The following SH3RF2 variants were observed in gnomAD, a reference collection of about 807,000 sequenced individuals.
SH3RF2 encodes SH3 domain containing ring finger 2.
Under a neutral mutation model 59.0 loss-of-function variants are expected in SH3RF2, and 43 were observed. The ratio of observed to expected loss-of-function variants is 0.73; its 90% CI spans 0.57 to 0.94. SH3RF2 has a LOEUF of 0.94. Among genes scored for constraint, SH3RF2 ranks in the 40% least tolerant of loss-of-function variants. The pLI, the probability that SH3RF2 is intolerant of heterozygous loss-of-function variation, is 0.00. For missense variants in SH3RF2, 930 were observed against 940.1 expected (o/e 0.99, Z 0.14); for synonymous variants, 391 against 391.5 (o/e 1.00, Z 0.01).
At chr5:145,938,355 T>C in intron 2 of SH3RF2, 49 bp downstream of exon 2, 2 of 1,495,688 alleles carry the variant, frequency 1.3e-6, no homozygotes, top group Non-Finnish European at 1.8e-6. Context: ...GAGGTTGGAT[T>C]TGTGTATACA....
At chr5:145,964,299 CCTTCCTTT>C (rs1278491942) in intron 2 of SH3RF2, among the ~76,000 whole-genome samples, 10 of 133,616 alleles carry the variant, frequency 7.5e-5, no homozygotes, top group South Asian at 2.4e-4. Flanking sequence ...TTCCTTCCTT[CCTTCCTTT>C]CTTTCTTTTT....
intron 2 of SH3RF2, among the ~76,000 whole-genome samples, chr5:145,983,328 A>G (rs947750671): frequency 6.0e-5 from 9 of 150,986 alleles, no homozygotes; most frequent in Non-Finnish European, 1.0e-4. Context: ...AGTGAGGGTG[A>G]AAGCAATGAG....
At chr5:145,972,807 A>C (rs1320567873) in intron 2 of SH3RF2, among the ~76,000 whole-genome samples, 2 of 152,160 alleles carry the variant, frequency 1.3e-5, no homozygotes, top group Admixed American at 6.5e-5. Context: ...CTTGAGGGTA[A>C]ATAGGGCCTT....
intron 3 of SH3RF2, among the ~76,000 whole-genome samples, chr5:146,001,200 T>A (rs1412448623): frequency 6.6e-6 from 1 of 152,264 alleles, no homozygotes; most frequent in Non-Finnish European, 1.5e-5. Context: ...ACTTTAACTA[T>A]CTGTATTCAG....
chr5:146,044,159 T>G (rs1004694416), intron 5 of SH3RF2, among the ~76,000 whole-genome samples: 1 of 116,138 alleles, frequency 8.6e-6, no homozygotes, highest in Non-Finnish European at 2.0e-5. Flanking sequence ...GTTTTTTTTT[T>G]TTTGTTTTTA....
intron 9 of SH3RF2, among the ~76,000 whole-genome samples, chr5:146,070,302 G>C (rs910644696): frequency 6.6e-6 from 1 of 152,154 alleles, no homozygotes; most frequent in Non-Finnish European, 1.5e-5. Flanking sequence ...GAGTTTGCTA[G>C]GATGGGGCTG....
intron 4 of SH3RF2, among the ~76,000 whole-genome samples, chr5:146,009,439 T>C (rs1331221837): frequency 6.6e-6 from 1 of 152,192 alleles, no homozygotes; most frequent in African/African-American, 2.4e-5. Flanking sequence ...GCTCTTTCCC[T>C]CTTTAGGACT....
intron 6 of SH3RF2, among the ~76,000 whole-genome samples, 165 bp from the exon 7 acceptor site, chr5:146,048,910 G>A (rs943842169): frequency 6.6e-6 from 1 of 152,132 alleles, no homozygotes; most frequent in Non-Finnish European, 1.5e-5. Context: ...ACCTGCCTTG[G>A]CCTCCCGAAC....
intron 2 of SH3RF2, chr5:145,997,739 T>G: frequency 6.3e-7 from 1 of 1,576,548 alleles, no homozygotes; most frequent in Non-Finnish European, 8.7e-7. Flanking sequence ...TTGAAGCAGT[T>G]AAATCATTGT....
At chr5:145,965,620 C>A (rs776250340) in intron 2 of SH3RF2, among the ~76,000 whole-genome samples, 2 of 152,110 alleles carry the variant, frequency 1.3e-5, no homozygotes, top group African/African-American at 4.8e-5. Flanking sequence ...TGGAAAAGAA[C>A]GGAGGTAATT....
chr5:145,959,641 GTGTGTGTA>G (rs1192455387), intron 2 of SH3RF2, among the ~76,000 whole-genome samples: 1 of 149,520 alleles, frequency 6.7e-6, no homozygotes, highest in African/African-American at 2.5e-5. Flanking sequence ...GTGTGTGTGT[GTGTGTGTA>G]TGTGTGTGTG....
chr5:146,049,848 T>G (rs1408511892), intron 7 of SH3RF2, among the ~76,000 whole-genome samples: 1 of 152,096 alleles, frequency 6.6e-6, no homozygotes, highest in Non-Finnish European at 1.5e-5. Context: ...TGACCCCCTC[T>G]TTGTCTTACC....
chr5:146,010,948 C>T lies in SH3RF2; in HGVS notation c.745-2799C>T, dbSNP rs182383252. On this transcript the variant is annotated intron_variant, in intron 4 of 9. Coordinates refer to ENST00000359120, the MANE Select transcript of SH3RF2 (RefSeq NM_152550.4). Reference sequence around the variant, plus strand: ...CTTTTGGTGTTATAGACATGAAGTCCTTGCCCATGCCGATGTCCTGAATGG... The same window carrying T: ...CTTTTGGTGTTATAGACATGAAGTCTTTGCCCATGCCGATGTCCTGAATGG... Among the ~76,000 whole-genome samples, 760 of 151,960 alleles carry T rather than the reference C, an allele frequency of 5.0e-3. 6 individuals are homozygous for T. Among genetic ancestry groups the T allele is most frequent in the African/African-American group, 0.017 (726 of 41,510 alleles).
At chr5:145,958,658 A>G (rs1215051828) in intron 2 of SH3RF2, among the ~76,000 whole-genome samples, 1 of 152,202 alleles carries the variant, frequency 6.6e-6, no homozygotes, top group Non-Finnish European at 1.5e-5. Flanking sequence ...AACGAGAAAA[A>G]TGGAACTTTC....
intron 2 of SH3RF2, among the ~76,000 whole-genome samples, chr5:145,973,921 A>G (rs150853841): frequency 2.6e-5 from 4 of 152,358 alleles, no homozygotes; most frequent in African/African-American, 9.6e-5. Flanking sequence ...GTAACAAATC[A>G]TCACAAATTT....
At chr5:146,013,315 G>A (rs1253720015) in intron 4 of SH3RF2, among the ~76,000 whole-genome samples, 1 of 152,076 alleles carries the variant, frequency 6.6e-6, no homozygotes, top group Non-Finnish European at 1.5e-5. Flanking sequence ...ACAATGATTG[G>A]GAAGCACAGG....
At chr5:146,058,027 TCA>T (rs1338749846) in intron 8 of SH3RF2, among the ~76,000 whole-genome samples, 2 of 151,132 alleles carry the variant, frequency 1.3e-5, no homozygotes, top group Non-Finnish European at 2.9e-5. Context: ...ATGTTCACAC[TCA>T]GTCTAGACCA....
chr5:146,064,596 AGAGAGAG>A (rs1240903192), downstream of SH3RF2, among the ~76,000 whole-genome samples: 2 of 102,264 alleles, frequency 2.0e-5, no homozygotes, highest in Non-Finnish European at 4.1e-5. Flanking sequence ...GGAGAGAGAG[AGAGAGAG>A]AGAGAGAGAG....
chr5:146,024,211 T>C (rs555709827), intron 5 of SH3RF2, among the ~76,000 whole-genome samples: 32 of 152,342 alleles, frequency 2.1e-4, no homozygotes, highest in African/African-American at 7.7e-4. Context: ...TGTATGCAGG[T>C]TGCAATTTCC....
Sources: gnomAD v4.1 joint callset for allele counts (sites outside exome capture counted in the v4.1 genomes callset) on GRCh38, gnomAD v4.1.1 for gene constraint, MANE v1.5 for transcripts, NCBI Gene and HGNC (gene_info 2026-07-23, HGNC 2026-07-21) for gene names.